CILK1: variants seen among roughly 807,000 people sequenced by gnomAD.
CILK1 encodes ciliogenesis associated kinase 1, also known as serine/threonine-protein kinase ICK.
A neutral mutation model predicts 79.2 loss-of-function variants in CILK1; 47 were observed. That is an observed-to-expected ratio of 0.59 (90% CI 0.47 to 0.76). The LOEUF (loss-of-function observed/expected upper bound fraction) is 0.76. CILK1 is among the 30% of genes least tolerant of loss of function. CILK1 has a pLI of 0.00. For synonymous variants in CILK1, 266 were observed against 275.9 expected, an observed-to-expected ratio of 0.96 and a Z score of 0.36; for missense variants, 660 against 769.5, an observed-to-expected ratio of 0.86 and a Z score of 1.68.
rs1392352344 is a variant in CILK1, at chr6:53,005,026, G to T, written c.*123C>A. The T allele has an allele frequency of 2.7e-6, 3 of 1,125,830 alleles. No homozygotes were observed. Among genetic ancestry groups the T allele is most frequent in the African/African-American group, 1.5e-5 (1 of 65,466 alleles). 69.7% of individuals were successfully genotyped at this position (1,125,830 alleles called of 1,614,324 possible). A position where few individuals can be genotyped will look rare whatever the true frequency, so the allele number is the denominator to read the frequency against. On this transcript the variant is annotated 3_prime_UTR_variant, in exon 14 of 14. Transcript: ENST00000676107. ...AATATTGACATGTCTTAGTTCAGAA[G>T]AATAACTATAAAGTGTTGATTTGCT...
intron 5 of CILK1, 76 bp downstream of exon 5, chr6:53,030,989 T>C (rs1334376240): frequency 1.3e-5 from 14 of 1,040,172 alleles, no homozygotes; most frequent in Non-Finnish European, 2.1e-5. Context: ...ACAAAAAATA[T>C]TAATGTTTCC....
At chr6:53,054,428 T>C (rs1767705506) in intron 1 of CILK1, 1 of 152,230 alleles carries the variant, frequency 6.6e-6, no homozygotes, top group African/African-American at 2.4e-5. Context: ...GTTTTAGTCT[T>C]TGCTATTATT....
chr6:53,058,109 T>C (rs1348315626), intron 1 of CILK1, among the ~76,000 whole-genome samples: 1 of 152,226 alleles, frequency 6.6e-6, no homozygotes, highest in Admixed American at 6.5e-5. Context: ...AGGTACTTAA[T>C]GTGCAAAGAT....
At chr6:53,052,443 G>A (rs1021200749) in intron 1 of CILK1, among the ~76,000 whole-genome samples, 2 of 152,022 alleles carry the variant, frequency 1.3e-5, no homozygotes, top group African/African-American at 4.8e-5. Context: ...TTAAAAATAG[G>A]GAATTTCGGC....
Position 53,032,626 on chromosome 6 carries a change from A to T in CILK1, c.185T>A (p.Val62Glu). ...KSLKKLNHAN[V>E]VKLKEVIREN... ...CCTGATAACTTCTTTTAATTTGACT[A>T]CATTGGCATGGTTGAGCTTCTTTAA... is the stretch of plus-strand genomic sequence containing the variant. Residue 62 changes from valine (V) to glutamate (E), a missense_variant, in exon 4 of 14, where the codon GTA (valine) becomes GAA (glutamate). Coordinates refer to ENST00000676107, the MANE Select transcript of CILK1 (RefSeq NM_014920.5). The T allele has an allele frequency of 6.2e-7, 1 of 1,606,470 alleles. No homozygotes were observed. The highest frequency in any genetic ancestry group is 8.5e-7 in the Non-Finnish European group (1 of 1,174,534).
At chr6:53,028,943 A>C (rs1288156326) in intron 5 of CILK1, among the ~76,000 whole-genome samples, 1 of 151,670 alleles carries the variant, frequency 6.6e-6, no homozygotes, top group African/African-American at 2.4e-5. Context: ...TGTGTGGTCT[A>C]TGTGTTTGTG....
At chr6:53,041,488 T>C (rs1454289963) in intron 1 of CILK1, 80 bp from the exon 2 acceptor site, 1 of 454,518 alleles carries the variant, frequency 2.2e-6, no homozygotes, top group East Asian at 4.5e-5. Flanking sequence ...TAAATCTGTG[T>C]TTTATTGGAA....
rs1031536504 is a variant in CILK1 at position 53,061,771 on chromosome 6, A to G, written c.-348T>C. On this transcript the variant is annotated 5_prime_UTR_variant, in exon 1 of 14. An upstream start codon of the reference 5' UTR is lost. Transcript: ENST00000676107. The stretch of plus-strand genomic sequence containing the variant: ...GCGAGTCGCACGGGCCGCACGGCGC[A>G]TGGTAGTGCAGCAGGAACCCGGCCG... 2 of 152,294 alleles carry G rather than the reference A, an allele frequency of 1.3e-5. No individual in the cohort carries two copies. Among genetic ancestry groups the G allele is most frequent in the Non-Finnish European group, 2.9e-5 (2 of 68,098 alleles). 9.4% of individuals were successfully genotyped at this position (152,294 alleles called of 1,614,324 possible).
At chr6:53,036,266 G>GT (rs1766325166) in intron 3 of CILK1, among the ~76,000 whole-genome samples, 4 of 152,142 alleles carry the variant, frequency 2.6e-5, no homozygotes, top group South Asian at 2.1e-4. Context: ...GATTATCTTT[G>GT]TTTTTTATCT....
At chr6:53,005,984 G>C (rs1380217434) in intron 13 of CILK1, among the ~76,000 whole-genome samples, 1 of 152,138 alleles carries the variant, frequency 6.6e-6, no homozygotes, top group African/African-American at 2.4e-5. Context: ...CATACTGTAT[G>C]CTTGCTCAAT....
intron 7 of CILK1, among the ~76,000 whole-genome samples, chr6:53,018,050 G>A (rs757905907): frequency 2.0e-5 from 3 of 152,162 alleles, no homozygotes; most frequent in South Asian, 2.1e-4. Flanking sequence ...CTGAACAGGC[G>A]TAGGAGTTGT....
Position 53,005,193 on chromosome 6 carries a change from GC to G in CILK1, c.1854del (p.His619MetfsTer20), listed in dbSNP as rs1368540369. ...LIPRPPAAQPVHGRTDWASKY... is the reference protein window; with the variant it reads ...LIPRPPAAQPXHGRTDWASKY... ...TTGGAAGCCCAGTCTGTCCGGCCAT[GC>G]ACTGGCTGGGCGGCTGGAGGCCGTG... On this transcript the variant is annotated frameshift_variant, in exon 14 of 14. Transcript: ENST00000676107. LOFTEE classifies it high-confidence loss of function. The G allele has an allele frequency of 6.2e-7, 1 of 1,614,218 alleles. No individual in the cohort carries two copies. Among genetic ancestry groups the G allele is most frequent in the Non-Finnish European group, 8.5e-7 (1 of 1,180,026 alleles).
At chr6:53,016,351 T>A in intron 7 of CILK1, 101 bp from the exon 8 acceptor site, 1 of 1,127,530 alleles carries the variant, frequency 8.9e-7, no homozygotes, top group Non-Finnish European at 1.3e-6. Flanking sequence ...ACCATGTCAT[T>A]ACCCACCCAC....
rs1343187509 is a variant in CILK1, at chr6:53,012,017, A to G, written c.1343+20T>C. The stretch of plus-strand genomic sequence containing the variant: ...GAATTCCAGATTCAGTCTGTTTACA[A>G]ATGTGAGCAGCACACTTGCCTGCAG... On this transcript the variant is annotated intron_variant, in intron 10 of 13. Coordinates refer to ENST00000676107, the MANE Select transcript of CILK1 (RefSeq NM_014920.5). 9 of 1,613,988 alleles carry G rather than the reference A, an allele frequency of 5.6e-6. No individual in the cohort carries two copies. Among genetic ancestry groups the G allele is most frequent in the Non-Finnish European group, 7.6e-6 (9 of 1,179,982 alleles).
chr6:53,059,081 T>C lies in CILK1; in HGVS notation c.-173+2515A>G, dbSNP rs1296086650. 2.0e-5 allele frequency among the ~76,000 whole-genome samples: 3 copies of C among 152,206 alleles called. No homozygotes were observed. The East Asian group carries it at 5.8e-4, about 29-fold the overall frequency. On this transcript the variant is annotated intron_variant, in intron 1 of 13. Coordinates refer to ENST00000676107, the MANE Select transcript of CILK1 (RefSeq NM_014920.5). ...CTAAGGATTCACTGCATGGTTACCC[T>C]GGTTCTCTAGGCCTCCAGGCTGAGT... is the stretch of plus-strand genomic sequence containing the variant.
intron 9 of CILK1, among the ~76,000 whole-genome samples, chr6:53,012,821 A>C (rs977783498): frequency 6.6e-6 from 1 of 152,214 alleles, no homozygotes; most frequent in Non-Finnish European, 1.5e-5. Context: ...ACTGACACAG[A>C]AAGTGCCACT....
At chr6:53,059,843 A>C (rs959192764) in intron 1 of CILK1, among the ~76,000 whole-genome samples, 3 of 152,176 alleles carry the variant, frequency 2.0e-5, no homozygotes, top group African/African-American at 7.2e-5. Flanking sequence ...TAGAACACTG[A>C]AAAGACCAGA....
intron 9 of CILK1, among the ~76,000 whole-genome samples, chr6:53,012,839 A>C (rs1251265797): frequency 3.3e-5 from 5 of 152,202 alleles, no homozygotes; most frequent in Non-Finnish European, 7.3e-5. Flanking sequence ...ACTTTTTCAT[A>C]AAGGATAGAC....
At chr6:53,008,511 C>T (rs1301219833) in intron 12 of CILK1, among the ~76,000 whole-genome samples, 1 of 151,904 alleles carries the variant, frequency 6.6e-6, no homozygotes, top group Non-Finnish European at 1.5e-5. Flanking sequence ...CTGCAACCTC[C>T]GCCTCCCAGG....
Sources: gnomAD v4.1 joint callset for allele counts (sites outside exome capture counted in the v4.1 genomes callset) on GRCh38, gnomAD v4.1.1 for gene constraint, MANE v1.5 for transcripts, NCBI Gene and HGNC (gene_info 2026-07-23, HGNC 2026-07-21) for gene names.